Variants in RAD17 observed in about 807,000 individuals in gnomAD.
RAD17 encodes cell cycle checkpoint protein RAD17.
Under a neutral mutation model 81.5 loss-of-function variants are expected in RAD17, and 31 were observed. The ratio of observed to expected loss-of-function variants is 0.38; its 90% confidence interval spans 0.29 to 0.51. RAD17 has a LOEUF of 0.51. Among genes scored for constraint, RAD17 ranks in the 20% least tolerant of loss-of-function variants. The probability of loss-of-function intolerance (pLI) is 0.88; values close to 1 mark genes in which losing one functional copy is unlikely to be tolerated. For missense variants in RAD17, 681 were observed against 781.2 expected (o/e 0.87, Z 1.53); for synonymous variants, 261 against 266.2 (o/e 0.98, Z 0.19).
chr5:69,374,949 G>T (rs1007655548), intron 6 of RAD17, among the ~76,000 whole-genome samples: 1 of 152,094 alleles, frequency 6.6e-6, no homozygotes, highest in Non-Finnish European at 1.5e-5. Flanking sequence ...AACATAGGGA[G>T]ACTGTCTCTA....
At chr5:69,385,917 C>T (rs1246123859) in intron 8 of RAD17, 126 bp from the exon 9 acceptor site, 1 of 947,902 alleles carries the variant, frequency 1.1e-6, no homozygotes, top group Non-Finnish European at 1.4e-6. Flanking sequence ...TTCATGTTTC[C>T]TGTGAAAGTT....
At chr5:69,412,784 T>C (rs10035835) in intron 18 of RAD17, among the ~76,000 whole-genome samples, 52,006 of 151,652 alleles carry the variant, frequency 0.34, 10,427 homozygotes, top group Non-Finnish European at 0.46. Flanking sequence ...AGGTCAGGAG[T>C]TCGAGACCAG....
At chr5:69,398,434 A>G (rs932679524) in intron 16 of RAD17, among the ~76,000 whole-genome samples, 3 of 152,194 alleles carry the variant, frequency 2.0e-5, no homozygotes, top group Non-Finnish European at 4.4e-5. Flanking sequence ...TGGGAGGCAC[A>G]CAAGTTGAAA....
chr5:69,407,516 T>G (rs1765679830), intron 17 of RAD17, among the ~76,000 whole-genome samples: 2 of 151,450 alleles, frequency 1.3e-5, no homozygotes, highest in African/African-American at 4.9e-5. Context: ...TTTTCTGAGA[T>G]TTTGTTTATA....
In RAD17 at chr5:69,386,206, C is replaced by T; in HGVS notation, c.725C>T (p.Pro242Leu). ...AAGTATGTGAGGATTGGTCGATGTC[C>T]TCTTATATTTATAATCTCGGACAGT... is the stretch of plus-strand genomic sequence containing the variant. ...LRKYVRIGRC[P>L]LIFIISDSLS... Residue 242 changes from proline to leucine, a missense_variant, in exon 10 of 19, where the codon CCT becomes CTT. Physicochemically the swap from Pro to Leu is moderately conservative, Grantham distance 98. Coordinates refer to ENST00000354868, the MANE Select transcript of RAD17 (RefSeq NM_133338.3). 6.2e-7 allele frequency: 1 copy of T among 1,606,742 alleles called. No homozygotes were observed. The highest frequency in any genetic ancestry group is 8.5e-7 in the Non-Finnish European group (1 of 1,176,188).
chr5:69,386,135 G>T, intron 9 of RAD17, 40 bp downstream of exon 9: 1 of 1,599,864 alleles, frequency 6.3e-7, no homozygotes, highest in Middle Eastern at 1.7e-4. Flanking sequence ...CAAATTAAAT[G>T]AGAAGTGGCT....
chr5:69,374,587 A>C, intron 5 of RAD17, 41 bp from the exon 6 acceptor site: 1 of 1,472,554 alleles, frequency 6.8e-7, no homozygotes, highest in Non-Finnish European at 9.4e-7. Context: ...AAAAATCTTC[A>C]GTTAAGAAGT....
rs1310722639 is a variant in RAD17 at position 69,414,614 on chromosome 5, TG to T, written c.*328del. ...CTAATTCAGGATGCAAAAACGTTAT[TG>T]GGGGGTTGTAAATATCAACTATTCA... On this transcript the variant is annotated 3_prime_UTR_variant, in exon 19 of 19. Transcript: ENST00000354868. The T allele has an allele frequency of 8.1e-6, 3 of 369,550 alleles. No individual in the cohort carries two copies. The highest frequency in any genetic ancestry group is 6.2e-5 in the African/African-American group (3 of 48,356). The allele number at this position is 369,550 out of a possible 1,614,324, so 22.9% of individuals were successfully genotyped here.
intron 1 of RAD17, 114 bp from the exon 2 acceptor site, chr5:69,370,921 A>AT (rs751846920): frequency 1.6e-5 from 4 of 251,750 alleles, no homozygotes; most frequent in South Asian, 1.6e-4. Context: ...TTGCATAAAC[A>AT]TTTAAGAATT....
At chr5:69,388,780 T>C (rs113488404) in intron 11 of RAD17, among the ~76,000 whole-genome samples, 9 of 152,190 alleles carry the variant, frequency 5.9e-5, no homozygotes, top group Middle Eastern at 3.4e-3. Flanking sequence ...CTAATTGTTT[T>C]GATTTTTTGT....
At chr5:69,408,885 G>A (rs12655061) in intron 17 of RAD17, among the ~76,000 whole-genome samples, 130,141 of 152,108 alleles carry the variant, frequency 0.86, 56,885 homozygotes, top group Non-Finnish European at 0.95. Context: ...GGCTGATCCA[G>A]TTTAATTTGG....
chr5:69,388,766 C>T (rs1444260269), intron 11 of RAD17, among the ~76,000 whole-genome samples: 1 of 151,910 alleles, frequency 6.6e-6, no homozygotes, highest in Non-Finnish European at 1.5e-5. Flanking sequence ...GCCACCATGC[C>T]CAGCTAATTG....
chr5:69,410,306 AC>A (rs1765886874), intron 17 of RAD17, among the ~76,000 whole-genome samples, 186 bp from the exon 18 acceptor site: 1 of 152,088 alleles, frequency 6.6e-6, no homozygotes, highest in Non-Finnish European at 1.5e-5. Context: ...CCACATCCTT[AC>A]CCACACTTCT....
At chr5:69,403,225 T>C (rs1765382357) in intron 17 of RAD17, among the ~76,000 whole-genome samples, 1 of 152,228 alleles carries the variant, frequency 6.6e-6, no homozygotes, top group African/African-American at 2.4e-5. Flanking sequence ...GTGATTTAGT[T>C]TCCGTGTGTT....
intron 18 of RAD17, 73 bp from the exon 19 acceptor site, chr5:69,413,958 C>G: frequency 6.6e-7 from 1 of 1,525,112 alleles, no homozygotes; most frequent in Non-Finnish European, 8.9e-7. Flanking sequence ...GCTTCATAAT[C>G]ATCACACTCA....
rs949049104 is a variant in RAD17, at chr5:69,369,987, C to T, written c.-417+54C>T. ...ATGTATATGTCTTAGAGACGTGAGT[C>T]TATCTCTGCCTTCAAGCTTTCCTGG... On this transcript the variant is annotated intron_variant, in intron 1 of 18. Transcript: ENST00000354868. The T allele has an allele frequency of 1.1e-5, 5 of 444,970 alleles. No individual in the cohort carries two copies. In the Admixed American group the frequency reaches 1.7e-4, roughly 16 times the overall value. 27.6% of individuals were successfully genotyped at this position (444,970 alleles called of 1,614,324 possible). A position where few individuals can be genotyped will look rare whatever the true frequency, so the allele number is the denominator to read the frequency against.
chr5:69,387,021 C>T (rs1764256924), intron 11 of RAD17, among the ~76,000 whole-genome samples: 1 of 150,760 alleles, frequency 6.6e-6, no homozygotes, highest in Non-Finnish European at 1.5e-5. Context: ...ACCTCTTGGG[C>T]TCAAGTGTTC....
Position 69,373,911 on chromosome 5 carries a change from G to A in RAD17, c.91G>A (p.Val31Met), listed in dbSNP as rs1183439444. The A allele has an allele frequency of 6.2e-7, 1 of 1,611,318 alleles. No individual in the cohort carries two copies. The highest frequency in any genetic ancestry group is 8.5e-7 in the Non-Finnish European group (1 of 1,177,934). The change falls in exon 5 of 19, where the codon GTG (valine) becomes ATG (methionine). Residue 31 changes from valine (V) to methionine (M), a missense_variant. Physicochemically the swap from Val to Met is conservative, Grantham distance 21. Transcript: ENST00000354868. The part of the protein sequence containing the change: ...VSTITATSLG[V>M]NNSSHRRKNG... ...TACTATTACTGCCACATCATTAGGTGTGAATAACTCAAGTCATAGAAGAAA... is the reference window on the plus strand; with the variant it reads ...TACTATTACTGCCACATCATTAGGTATGAATAACTCAAGTCATAGAAGAAA...
chr5:69,384,802 A>G lies in RAD17; in HGVS notation c.514A>G (p.Ser172Gly), dbSNP rs1012076857. ...DFKGMFNTES[S>G]FHMFPYQSQI... Reference sequence around the variant, plus strand: ...GGTTATGTGTTTCCTTTCAGAATCAAGCTTCCATATGTTTCCCTATCAGTC... The same window carrying G: ...GGTTATGTGTTTCCTTTCAGAATCAGGCTTCCATATGTTTCCCTATCAGTC... Residue 172 changes from serine to glycine, a missense_variant, in exon 8 of 19, where the codon AGC (serine) becomes GGC (glycine). Coordinates refer to ENST00000354868, the MANE Select transcript of RAD17 (RefSeq NM_133338.3). 3.1e-6 allele frequency: 5 copies of G among 1,599,670 alleles called. No individual in the cohort carries two copies. The highest frequency in any genetic ancestry group is 4.3e-6 in the Non-Finnish European group (5 of 1,174,966).
Sources: allele counts gnomAD v4.1 joint callset (sites outside exome capture counted in the v4.1 genomes callset), GRCh38; gene constraint gnomAD v4.1.1; transcripts MANE v1.5; gene names NCBI Gene and HGNC (gene_info 2026-07-23, HGNC 2026-07-21).